Variants in EXOC4 observed in about 807,000 individuals in gnomAD.
EXOC4 encodes the protein SEC8-like 1.
In EXOC4, 71 loss-of-function variants were observed where a neutral mutation model predicts 107.2. The observed-to-expected ratio is 0.66, with a 90% CI of 0.55 to 0.81. The LOEUF (loss-of-function observed/expected upper bound fraction) is 0.81, where lower values mean the gene tolerates loss of function less well. EXOC4 is among the 30% of genes least tolerant of loss of function. The probability of loss-of-function intolerance (pLI) is 0.00; values close to 1 mark genes in which losing one functional copy is unlikely to be tolerated. For missense variants in EXOC4, 1,108 were observed against 1,189.6 expected, an observed-to-expected ratio of 0.93 and a Z score of 1.01; for synonymous variants, 456 against 441.2, an observed-to-expected ratio of 1.03 and a Z score of -0.42.
At chr7:133,630,011 G>A (rs372406887) in intron 9 of EXOC4, 34 bp from the exon 10 acceptor site, 25 of 1,493,668 alleles carry the variant, frequency 1.7e-5, no homozygotes, top group Non-Finnish European at 2.1e-5. Context: ...AAGTTTCAAT[G>A]AGCTAAGTCT....
intron 7 of EXOC4, among the ~76,000 whole-genome samples, chr7:133,461,256 T>C (rs1429375752): frequency 6.6e-6 from 1 of 152,212 alleles, no homozygotes; most frequent in Non-Finnish European, 1.5e-5. Context: ...TGTATTTGTC[T>C]CTGCATTCTG....
chr7:133,625,908 T>A (rs1207899369), intron 9 of EXOC4, among the ~76,000 whole-genome samples: 2 of 152,074 alleles, frequency 1.3e-5, no homozygotes, highest in African/African-American at 4.8e-5. Context: ...AACAACATGT[T>A]CCTTAAGAAG....
At chr7:133,416,573 A>G (rs960401440) in intron 7 of EXOC4, among the ~76,000 whole-genome samples, 1 of 152,190 alleles carries the variant, frequency 6.6e-6, no homozygotes, top group Non-Finnish European at 1.5e-5. Context: ...GAGACTTTGT[A>G]TGTGGGAAAG....
chr7:134,005,021 G>C lies in EXOC4; in HGVS notation c.2458G>C (p.Asp820His). 6.2e-7 allele frequency: 1 copy of C among 1,613,620 alleles called. No individual in the cohort carries two copies. Among genetic ancestry groups the C allele is most frequent in the Non-Finnish European group, 8.5e-7 (1 of 1,179,662 alleles). ...CCCCCTGGTGGTCAAGCTCAACAAAGATATCAGCGCCATTGAAGAGGCCAT... is the reference window on the plus strand; with the variant it reads ...CCCCCTGGTGGTCAAGCTCAACAAACATATCAGCGCCATTGAAGAGGCCAT... ...YDPLVVKLNK[D>H]ISAIEEAMSA... The change falls in exon 16 of 18, where the codon GAT (aspartate) becomes CAT (histidine). Residue 820 changes from aspartate to histidine, a missense_variant. Asp to His is a moderately conservative substitution (Grantham distance 81). Transcript: ENST00000253861.
At chr7:133,267,723 G>A (rs978617077) in intron 1 of EXOC4, among the ~76,000 whole-genome samples, 1 of 152,204 alleles carries the variant, frequency 6.6e-6, no homozygotes, top group Non-Finnish European at 1.5e-5. Context: ...GAATGAATAA[G>A]TGAATTAAAT....
the EXOC4 span, among the ~76,000 whole-genome samples, chr7:134,092,356 A>G: frequency 6.6e-6 from 1 of 152,190 alleles, no homozygotes; most frequent in Non-Finnish European, 1.5e-5. Flanking sequence ...ACCAGAAAGT[A>G]TGGGCCATCC....
At chr7:133,695,669 A>G (rs1794518008) in intron 10 of EXOC4, among the ~76,000 whole-genome samples, 1 of 152,196 alleles carries the variant, frequency 6.6e-6, no homozygotes, top group South Asian at 2.1e-4. Context: ...GTAAAACCAA[A>G]CCATCATCAC....
intron 7 of EXOC4, among the ~76,000 whole-genome samples, chr7:133,464,904 C>T (rs557549187): frequency 5.2e-5 from 7 of 134,696 alleles, no homozygotes; most frequent in East Asian, 2.6e-4. Flanking sequence ...ACTGTAGTCT[C>T]GAACTCCTGG....
intron 10 of EXOC4, among the ~76,000 whole-genome samples, chr7:133,708,801 T>G (rs770332138): frequency 1.2e-4 from 18 of 152,354 alleles, no homozygotes; most frequent in Non-Finnish European, 2.4e-4. Context: ...GCATCTTGTT[T>G]GTCTGTCAGT....
chr7:133,752,082 G>T (rs1415073141), intron 10 of EXOC4, among the ~76,000 whole-genome samples: 1 of 152,086 alleles, frequency 6.6e-6, no homozygotes, highest in Admixed American at 6.6e-5. Context: ...GATCTCAGGA[G>T]CCCAGGAGTT....
intron 9 of EXOC4, among the ~76,000 whole-genome samples, chr7:133,611,942 T>G (rs1243650969): frequency 6.6e-6 from 1 of 152,218 alleles, no homozygotes; most frequent in East Asian, 1.9e-4. Flanking sequence ...TAATCTCATT[T>G]ACAATATGGT....
intron 14 of EXOC4, among the ~76,000 whole-genome samples, chr7:133,947,827 A>G (rs1220311918): frequency 1.3e-5 from 2 of 152,222 alleles, no homozygotes; most frequent in Admixed American, 6.5e-5. Context: ...ATATGATAAT[A>G]TCATGGATGC....
intron 7 of EXOC4, among the ~76,000 whole-genome samples, chr7:133,435,316 T>C (rs1259326408): frequency 6.6e-6 from 1 of 152,212 alleles, no homozygotes; most frequent in African/African-American, 2.4e-5. Flanking sequence ...ACTTGTTCAC[T>C]CTTCATACCC....
chr7:133,504,750 G>A (rs1252859531), intron 9 of EXOC4, among the ~76,000 whole-genome samples: 1 of 151,922 alleles, frequency 6.6e-6, no homozygotes, highest in African/African-American at 2.4e-5. Context: ...ATATATTATT[G>A]ATATTTCTGC....
At chr7:133,485,089 ATAAATAAATAAAT>A (rs1799244245) in intron 9 of EXOC4, among the ~76,000 whole-genome samples, 2 of 132,040 alleles carry the variant, frequency 1.5e-5, no homozygotes, top group Non-Finnish European at 3.1e-5. Flanking sequence ...CAAAAAATAA[ATAAATAAATAAAT>A]AAATAAATAA....
intron 7 of EXOC4, among the ~76,000 whole-genome samples, chr7:133,402,645 T>C (rs1252359825): frequency 2.0e-5 from 3 of 151,960 alleles, no homozygotes; most frequent in African/African-American, 7.3e-5. Context: ...ATTATAGGCA[T>C]GCGCTACCAC....
chr7:133,787,842 C>G (rs1796607382), intron 10 of EXOC4, among the ~76,000 whole-genome samples: 2 of 150,204 alleles, frequency 1.3e-5, no homozygotes, highest in South Asian at 2.1e-4. Context: ...TTTCAACATA[C>G]GAATTTGTGA....
In EXOC4 at chr7:133,769,407, C is replaced by A. The variant is rs1017154919; in HGVS notation, c.1515-47918C>A. Among the ~76,000 whole-genome samples, 9 of 151,692 alleles carry A rather than the reference C, an allele frequency of 5.9e-5. No homozygotes were observed. The East Asian group carries it at 1.7e-3, about 29-fold the overall frequency. The stretch of plus-strand genomic sequence containing the variant: ...GCTACTAAAGTGGAAAGTTTCATTC[C>A]CAATTAATGCACCATTTTTCTCAGA... On this transcript the variant is annotated intron_variant, in intron 10 of 17. Coordinates refer to ENST00000253861, the MANE Select transcript of EXOC4 (RefSeq NM_021807.4).
At chr7:133,765,608 T>A (rs1796119972) in intron 10 of EXOC4, among the ~76,000 whole-genome samples, 1 of 152,006 alleles carries the variant, frequency 6.6e-6, no homozygotes, top group African/African-American at 2.4e-5. Flanking sequence ...TTGTGTAGCA[T>A]AGCATTGTGA....
Sources: allele counts gnomAD v4.1 joint callset (sites outside exome capture counted in the v4.1 genomes callset), GRCh38; gene constraint gnomAD v4.1.1; transcripts MANE v1.5; gene names NCBI Gene and HGNC (gene_info 2026-07-23, HGNC 2026-07-21).